Variants in ATXN7L3 observed in about 807,000 individuals in gnomAD.
ATXN7L3 encodes the protein ataxin 7 like 3, also known as ataxin-7-like protein 3.
A neutral mutation model predicts 50.0 loss-of-function variants in ATXN7L3; 6 were observed. The observed-to-expected ratio is 0.12, with a 90% confidence interval of 0.07 to 0.24. The LOEUF (loss-of-function observed/expected upper bound fraction) is 0.24. Among genes scored for constraint, ATXN7L3 ranks in the 10% least tolerant of loss-of-function variants. The pLI is 1.00. For missense variants in ATXN7L3, 322 were observed against 451.3 expected, an observed-to-expected ratio of 0.71 and a Z score of 2.60; for synonymous variants, 198 against 165.8, an observed-to-expected ratio of 1.19 and a Z score of -1.49.
rs1373464239 is a variant in ATXN7L3 at position 44,195,085 on chromosome 17, TTC to T, written c.665+10_665+11del. 2 of 1,613,874 alleles carry T rather than the reference TTC, an allele frequency of 1.2e-6. No homozygotes were observed. Among genetic ancestry groups the T allele is most frequent in the African/African-American group, 2.7e-5 (2 of 74,920 alleles). On this transcript the variant is annotated intron_variant, in intron 10 of 12. Coordinates refer to ENST00000587097, the MANE Select transcript of ATXN7L3 (RefSeq NM_001382309.1). ...GGAAGCGCCTGGCCCCCTTTCTAGGTTCTGTGCTCACCTTGTGCACATCTTCT... is the reference window on the plus strand; with the variant it reads ...GGAAGCGCCTGGCCCCCTTTCTAGGTTGTGCTCACCTTGTGCACATCTTCT...
intron 6 of ATXN7L3, 147 bp from the exon 7 acceptor site, chr17:44,196,226 T>TACCCCCCCC: frequency 1.4e-6 from 1 of 737,704 alleles, no homozygotes; most frequent in Non-Finnish European, 2.1e-6. Flanking sequence ...CCATGTGCCC[T>TACCCCCCCC]CCCCCACCCC....
chr17:44,194,230 C>G lies in ATXN7L3; in HGVS notation c.*33G>C, dbSNP rs2055797110. The G allele has an allele frequency of 5.0e-6, 8 of 1,610,298 alleles. No individual in the cohort carries two copies. Among genetic ancestry groups the G allele is most frequent in the Non-Finnish European group, 5.9e-6 (7 of 1,178,132 alleles). On this transcript the variant is annotated 3_prime_UTR_variant, in exon 13 of 13. Coordinates refer to ENST00000587097, the MANE Select transcript of ATXN7L3 (RefSeq NM_001382309.1). ...TGGGTGGGGGTCAGGAGAGAGGGCT[C>G]TGCTCAGCCAAAGGCTATCCCTTGC...
intron 5 of ATXN7L3, 29 bp downstream of exon 5, chr17:44,196,900 C>T: frequency 6.4e-7 from 1 of 1,554,158 alleles, no homozygotes; most frequent in Non-Finnish European, 8.9e-7. Flanking sequence ...ATCCCAATGC[C>T]CCCCGGGTTT....
chr17:44,196,105 G>C (rs1221265229), intron 6 of ATXN7L3, 26 bp from the exon 7 acceptor site: 1 of 1,610,422 alleles, frequency 6.2e-7, no homozygotes, highest in Admixed American at 1.7e-5. Context: ...CCATAGCTTT[G>C]GGGAAAGGGT....
rs2055785574 is a variant in ATXN7L3 at position 44,193,858 on chromosome 17, T to G, written c.*405A>C. ...GAGGCAGGCCCCCTCCAGGCTCAGC[T>G]TCCAACCCACAGCCTCCCGGGTCGC... On this transcript the variant is annotated 3_prime_UTR_variant, in exon 13 of 13. Coordinates refer to ENST00000587097, the MANE Select transcript of ATXN7L3 (RefSeq NM_001382309.1). The G allele has an allele frequency of 1.0e-5, 2 of 192,334 alleles. No individual in the cohort carries two copies. Among genetic ancestry groups the G allele is most frequent in the Non-Finnish European group, 2.2e-5 (2 of 92,660 alleles). The allele number at this position is 192,334 out of a possible 1,614,324, so 11.9% of individuals were successfully genotyped here. A position where few individuals can be genotyped will look rare whatever the true frequency, so the allele number is the denominator to read the frequency against.
intron 6 of ATXN7L3, 65 bp from the exon 7 acceptor site, chr17:44,196,144 G>A (rs762689898): frequency 7.8e-5 from 120 of 1,537,710 alleles, no homozygotes; most frequent in Non-Finnish European, 1.0e-4. Flanking sequence ...AGAACCCAGG[G>A]AAGGAAAAAA....
At chr17:44,195,181 C>T (rs1405715722) in intron 9 of ATXN7L3, 41 bp from the exon 10 acceptor site, 1 of 1,591,142 alleles carries the variant, frequency 6.3e-7, no homozygotes, top group East Asian at 2.2e-5. Context: ...ATGGAAGGAA[C>T]CTACTCTAGA....
chr17:44,194,709 G>A (rs1016642332), intron 11 of ATXN7L3, 35 bp from the exon 12 acceptor site: 2 of 1,613,636 alleles, frequency 1.2e-6, no homozygotes, highest in Admixed American at 1.7e-5. Flanking sequence ...GGGCTTTAGA[G>A]ATAGTGATCA....
rs1239552046 is a variant in ATXN7L3, at chr17:44,195,541, CA to C, written c.553-55del. ...AGATGGGGCAGAGAAAAGAGAAGGA[CA>C]GGGGTGGAAGTGAGAATCAGTCCCT... is the stretch of plus-strand genomic sequence containing the variant. On this transcript the variant is annotated intron_variant, in intron 8 of 12. Coordinates refer to ENST00000587097, the MANE Select transcript of ATXN7L3 (RefSeq NM_001382309.1). 8 of 1,546,726 alleles carry C rather than the reference CA, an allele frequency of 5.2e-6. No homozygotes were observed. In the South Asian group the frequency reaches 6.7e-5, roughly 13 times the overall value.
Position 44,194,169 on chromosome 17 carries a change from C to G in ATXN7L3, c.*94G>C, listed in dbSNP as rs1424633372. On this transcript the variant is annotated 3_prime_UTR_variant, in exon 13 of 13. Transcript: ENST00000587097. ...GCCCACCAAGCTTCCCAAGCCCCAA[C>G]CCCCAGCAGCCGTCCATTTGCCAGG... 5 of 1,502,614 alleles carry G rather than the reference C, an allele frequency of 3.3e-6. No individual in the cohort carries two copies. Among genetic ancestry groups the G allele is most frequent in the Non-Finnish European group, 4.5e-6 (5 of 1,116,324 alleles). 93.1% of individuals were successfully genotyped at this position (1,502,614 alleles called of 1,614,324 possible). A position where few individuals can be genotyped will look rare whatever the true frequency, so the allele number is the denominator to read the frequency against.
intron 10 of ATXN7L3, 100 bp downstream of exon 10, chr17:44,194,997 G>A (rs1035076117): frequency 2.0e-6 from 3 of 1,501,872 alleles, no homozygotes; most frequent in African/African-American, 1.4e-5. Flanking sequence ...GGAAGGGGAA[G>A]GGCAGGAGCC....
rs1567774443 is a variant in ATXN7L3, at chr17:44,196,974, C to T, written c.409G>A (p.Asp137Asn). Residue 137 changes from aspartate (D) to asparagine (N), a missense_variant, in exon 5 of 13, where the codon GAT becomes AAT. Coordinates refer to ENST00000587097, the MANE Select transcript of ATXN7L3 (RefSeq NM_001382309.1). ...GACCAGTCGTTGTCATTGATGTCAT[C>T]ATTATCTTCTTGGTCACTCTCAGAC... The part of the protein sequence containing the change: ...NKSESDQEDN[D>N]DINDNDWSYG... The T allele has an allele frequency of 6.2e-7, 1 of 1,613,742 alleles. No individual in the cohort carries two copies. The highest frequency in any genetic ancestry group is 1.7e-5 in the Admixed American group (1 of 60,004).
Position 44,194,912 on chromosome 17 carries a change from C to G in ATXN7L3, c.666-73G>C. On this transcript the variant is annotated intron_variant, in intron 10 of 12. Transcript: ENST00000587097. ...CCCCTCCCCTCGGCAAGGCAGGAGC[C>G]ACAGGCACAGACAGGGAAGGGGTGA... 1.9e-6 allele frequency: 3 copies of G among 1,557,600 alleles called. No homozygotes were observed. In the South Asian group the frequency reaches 3.4e-5, roughly 17 times the overall value.
intron 2 of ATXN7L3, 86 bp downstream of exon 2, chr17:44,197,934 A>C: frequency 1.9e-6 from 3 of 1,549,896 alleles, no homozygotes; most frequent in South Asian, 2.2e-5. Context: ...CTGACTACCC[A>C]AATTCCTCTT....
chr17:44,192,785 C>G lies in ATXN7L3; in HGVS notation c.*1478G>C, dbSNP rs545222571. On this transcript the variant is annotated 3_prime_UTR_variant, in exon 13 of 13. Coordinates refer to ENST00000587097, the MANE Select transcript of ATXN7L3 (RefSeq NM_001382309.1). ...GCCCCATCTCTGTTGTTCCCTTAAC[C>G]CTCTAGGGTCCCTAACCCGATCAGT... 1 of 152,302 alleles carries G rather than the reference C, an allele frequency of 6.6e-6. No homozygotes were observed. Among genetic ancestry groups the G allele is most frequent in the South Asian group, 2.1e-4 (1 of 4,812 alleles). The allele number at this position is 152,302 out of a possible 1,614,324, so 9.4% of individuals were successfully genotyped here. A position where few individuals can be genotyped will look rare whatever the true frequency, so the allele number is the denominator to read the frequency against.
At position 44,197,030 on chromosome 17, in the gene ATXN7L3, C is replaced by T. The variant is rs777554800; in HGVS notation, c.357-4G>A. On this transcript the variant is annotated splice_region_variant and splice_polypyrimidine_tract_variant and intron_variant, in intron 4 of 12. Transcript: ENST00000587097. ...CATATTGTTGCTATTGGCAATCCTGCCAAGGGGAGGGAAGAGAAAGGGGCC... is the reference window on the plus strand; with the variant it reads ...CATATTGTTGCTATTGGCAATCCTGTCAAGGGGAGGGAAGAGAAAGGGGCC... The T allele has an allele frequency of 1.1e-5, 17 of 1,608,482 alleles. No individual in the cohort carries two copies. The South Asian group carries it at 1.6e-4, about 16-fold the overall frequency.
rs556654628 is a variant in ATXN7L3 at position 44,198,377 on chromosome 17, G to A, written c.-60-247C>T. 8.0e-5 allele frequency: 30 copies of A among 373,364 alleles called. 1 individual carries two copies. The highest frequency in any genetic ancestry group is 5.6e-4 in the South Asian group (10 of 17,836). The allele number at this position is 373,364 out of a possible 1,614,324, so 23.1% of individuals were successfully genotyped here. A position where few individuals can be genotyped will look rare whatever the true frequency, so the allele number is the denominator to read the frequency against. On this transcript the variant is annotated intron_variant, in intron 1 of 12. Transcript: ENST00000587097. ...TCAGAGTCTGGGTCTATAGGAGGCA[G>A]CAGCTCACCCTAGGTCCCCAAAACT...
rs2055988314 is a variant in ATXN7L3, at chr17:44,198,106, C to T, written c.-36G>A. On this transcript the variant is annotated 5_prime_UTR_variant, in exon 2 of 13. It removes an upstream start codon present in the reference 5' UTR. Transcript: ENST00000587097. The stretch of plus-strand genomic sequence containing the variant: ...TTGTGGAGACGGCGCTCTGACTGCT[C>T]ATAGCACAGCGGGCGGCAACACGGC... 3 of 1,606,912 alleles carry T rather than the reference C, an allele frequency of 1.9e-6. No homozygotes were observed. The highest frequency in any genetic ancestry group is 3.4e-5 in the Admixed American group (2 of 59,386).
rs886500586 is a variant in ATXN7L3, at chr17:44,192,556, T to C, written c.*1707A>G. 6.6e-6 allele frequency: 1 copy of C among 151,794 alleles called. No individual in the cohort carries two copies. The highest frequency in any genetic ancestry group is 2.4e-5 in the African/African-American group (1 of 41,278). The allele number at this position is 151,794 out of a possible 1,614,324, so 9.4% of individuals were successfully genotyped here. On this transcript the variant is annotated 3_prime_UTR_variant, in exon 13 of 13. Coordinates refer to ENST00000587097, the MANE Select transcript of ATXN7L3 (RefSeq NM_001382309.1). ...AGGCCTGCTGAGATCCTCCTCTCCCTCTGGCCTCCTCTCGGAGGGAGACTA... is the reference window on the plus strand; with the variant it reads ...AGGCCTGCTGAGATCCTCCTCTCCCCCTGGCCTCCTCTCGGAGGGAGACTA...
Sources: allele counts gnomAD v4.1 joint callset, GRCh38; gene constraint gnomAD v4.1.1; transcripts MANE v1.5; gene names NCBI Gene and HGNC (gene_info 2026-07-23, HGNC 2026-07-21).